MARCHF1: variants seen among roughly 807,000 people sequenced by gnomAD.
MARCHF1 encodes the protein membrane associated ring-CH-type finger 1, also known as E3 ubiquitin-protein ligase MARCHF1.
In MARCHF1, 40 loss-of-function variants were observed where a neutral mutation model predicts 54.2. The ratio of observed to expected loss-of-function variants is 0.74; its 90% CI spans 0.57 to 0.96. The LOEUF (loss-of-function observed/expected upper bound fraction) is 0.96. Among genes scored for constraint, MARCHF1 ranks in the 40% least tolerant of loss-of-function variants. The pLI, the probability that MARCHF1 is intolerant of heterozygous loss-of-function variation, is 0.00. For missense variants in MARCHF1, 586 were observed against 656.5 expected, an observed-to-expected ratio of 0.89 and a Z score of 1.17; for synonymous variants, 236 against 236.3, an observed-to-expected ratio of 1.00 and a Z score of 0.01.
At chr4:164,369,976 A>G (rs1730990016) in intron 1 of MARCHF1, among the ~76,000 whole-genome samples, 1 of 152,252 alleles carries the variant, frequency 6.6e-6, no homozygotes, top group African/African-American at 2.4e-5. Context: ...TTATTACAAC[A>G]AAAACCATAA....
At chr4:163,682,493 C>T (rs985180031) in intron 5 of MARCHF1, among the ~76,000 whole-genome samples, 1 of 152,154 alleles carries the variant, frequency 6.6e-6, no homozygotes, top group Admixed American at 6.5e-5. Flanking sequence ...GTGCCGCGGG[C>T]CCAGGGACCC....
At chr4:163,868,447 T>C (rs899265578) in intron 3 of MARCHF1, among the ~76,000 whole-genome samples, 13 of 151,998 alleles carry the variant, frequency 8.6e-5, no homozygotes, top group African/African-American at 3.1e-4. Flanking sequence ...ATATAAGATA[T>C]ATTGTGGAAA....
chr4:163,626,974 C>A (rs1048440827), intron 5 of MARCHF1, among the ~76,000 whole-genome samples: 1 of 151,940 alleles, frequency 6.6e-6, no homozygotes, highest in African/African-American at 2.4e-5. Flanking sequence ...AGAAATAGGC[C>A]AAAAATGATC....
intron 1 of MARCHF1, among the ~76,000 whole-genome samples, chr4:164,166,893 T>A (rs1189526299): frequency 1.2e-5 from 1 of 80,186 alleles, no homozygotes; most frequent in Non-Finnish European, 4.6e-5. Flanking sequence ...CTATTTTTGG[T>A]AAAAATAAAA....
chr4:164,222,715 T>A (rs2111156600), intron 1 of MARCHF1, among the ~76,000 whole-genome samples: 1 of 152,046 alleles, frequency 6.6e-6, no homozygotes, highest in South Asian at 2.1e-4. Flanking sequence ...TAAGGATAGA[T>A]TATATATTTT....
At chr4:163,937,467 C>A (rs371246778) in intron 3 of MARCHF1, among the ~76,000 whole-genome samples, 2 of 151,550 alleles carry the variant, frequency 1.3e-5, no homozygotes, top group Non-Finnish European at 1.5e-5. Context: ...TCCTCAAATC[C>A]TCAGTGGTTT....
intron 5 of MARCHF1, among the ~76,000 whole-genome samples, chr4:163,658,579 T>C (rs963662421): frequency 2.0e-5 from 3 of 151,802 alleles, no homozygotes; most frequent in Non-Finnish European, 2.9e-5. Flanking sequence ...TAAATCATTC[T>C]ACTATCAAGA....
intron 4 of MARCHF1, among the ~76,000 whole-genome samples, chr4:163,710,201 G>A (rs1024764739): frequency 6.6e-6 from 1 of 151,984 alleles, no homozygotes; most frequent in Non-Finnish European, 1.5e-5. Flanking sequence ...CTAAGTACAA[G>A]GCCAATACTT....
chr4:163,955,382 A>C (rs999196782), intron 3 of MARCHF1, among the ~76,000 whole-genome samples: 5 of 151,796 alleles, frequency 3.3e-5, no homozygotes, highest in Non-Finnish European at 5.9e-5. Context: ...AAAAAAAAAA[A>C]AAACTTTAAT....
intron 2 of MARCHF1, among the ~76,000 whole-genome samples, chr4:163,996,482 T>G (rs1009802140): frequency 1.3e-5 from 2 of 152,094 alleles, no homozygotes; most frequent in South Asian, 4.1e-4. Flanking sequence ...CGTATGGGCA[T>G]AGCCAATATG....
chr4:164,301,968 T>C (rs1460711671), intron 1 of MARCHF1, among the ~76,000 whole-genome samples: 2 of 152,100 alleles, frequency 1.3e-5, no homozygotes, highest in Admixed American at 6.5e-5. Context: ...GTGGAGGAGA[T>C]AAGAGCAGAG....
chr4:163,722,315 T>G (rs956562317), intron 4 of MARCHF1, among the ~76,000 whole-genome samples: 2 of 152,132 alleles, frequency 1.3e-5, no homozygotes, highest in African/African-American at 4.8e-5. Flanking sequence ...AGCAGGTTGT[T>G]CAGTTTCCAT....
intron 1 of MARCHF1, among the ~76,000 whole-genome samples, chr4:164,336,054 G>A (rs1729731472): frequency 6.6e-6 from 1 of 152,126 alleles, no homozygotes; most frequent in African/African-American, 2.4e-5. Context: ...GCTGTACCAA[G>A]AGACAACATT....
chr4:164,226,331 T>TG (rs937134462), intron 1 of MARCHF1, among the ~76,000 whole-genome samples: 40 of 152,052 alleles, frequency 2.6e-4, no homozygotes, highest in African/African-American at 8.9e-4. Flanking sequence ...TAAATTATTA[T>TG]GGGGGGAAAA....
At chr4:163,784,382 A>G (rs1193534041) in intron 4 of MARCHF1, among the ~76,000 whole-genome samples, 1 of 152,166 alleles carries the variant, frequency 6.6e-6, no homozygotes. Flanking sequence ...AGAGGAACAC[A>G]TTCCTATAAA....
intron 3 of MARCHF1, among the ~76,000 whole-genome samples, chr4:163,910,789 GC>G (rs2111333684): frequency 6.6e-6 from 1 of 152,260 alleles, no homozygotes; most frequent in African/African-American, 2.4e-5. Flanking sequence ...GAGCCACCAC[GC>G]CCAGCCCAAA....
intron 4 of MARCHF1, among the ~76,000 whole-genome samples, chr4:163,720,124 T>A (rs1014361993): frequency 1.3e-5 from 2 of 152,296 alleles, no homozygotes; most frequent in Non-Finnish European, 1.5e-5. Flanking sequence ...CTGAATGGTA[T>A]TGCCTAGGTT....
intron 7 of MARCHF1, among the ~76,000 whole-genome samples, chr4:163,604,874 C>A (rs149991799): frequency 1.4e-4 from 22 of 152,154 alleles, no homozygotes; most frequent in African/African-American, 5.1e-4. Context: ...ATTTGGATTT[C>A]TCCCTAGTTA....
intron 1 of MARCHF1, among the ~76,000 whole-genome samples, chr4:164,211,327 GTATGTA>G (rs1374649562): frequency 1.1e-4 from 6 of 53,514 alleles, no homozygotes; most frequent in Admixed American, 2.2e-4. Flanking sequence ...GTGTATGTAT[GTATGTA>G]TATATATATA....
Sources: allele counts gnomAD v4.1 joint callset (sites outside exome capture counted in the v4.1 genomes callset), GRCh38; gene constraint gnomAD v4.1.1; transcripts MANE v1.5; gene names NCBI Gene and HGNC (gene_info 2026-07-23, HGNC 2026-07-21).